The following GPC5 variants were observed in gnomAD, a reference collection of about 807,000 sequenced individuals.
GPC5 encodes the protein glypican 5.
In GPC5, 47 loss-of-function variants were observed where a neutral mutation model predicts 53.9. That is an observed-to-expected ratio of 0.87 (90% CI 0.69 to 1.11). The LOEUF is 1.11. GPC5 is among the 50% of genes most tolerant of loss of function. The probability of loss-of-function intolerance (pLI) is 0.00; values close to 1 mark genes in which losing one functional copy is unlikely to be tolerated. For missense variants in GPC5, 748 were observed against 713.1 expected (o/e 1.05, Z -0.56); for synonymous variants, 286 against 263.3 (o/e 1.09, Z -0.84).
intron 7 of GPC5, among the ~76,000 whole-genome samples, chr13:92,569,461 T>G (rs377215529): frequency 4.6e-5 from 7 of 152,198 alleles, no homozygotes; most frequent in Admixed American, 6.5e-5. Flanking sequence ...ACTAGTTACA[T>G]AGCTGGAACA....
At chr13:91,437,613 T>C (rs577672793) in intron 1 of GPC5, among the ~76,000 whole-genome samples, 6 of 152,352 alleles carry the variant, frequency 3.9e-5, no homozygotes, top group African/African-American at 1.4e-4. Flanking sequence ...ATTTCAACTT[T>C]GGTGAATCTG....
intron 7 of GPC5, among the ~76,000 whole-genome samples, chr13:92,219,263 C>T (rs905557135): frequency 1.3e-5 from 2 of 151,968 alleles, no homozygotes; most frequent in African/African-American, 2.4e-5. Context: ...TGGCATTCAC[C>T]TCCATATTTT....
rs377515371 is a variant in GPC5 at position 92,696,758 on chromosome 13, A to G, written c.1562-169524A>G. On this transcript the variant is annotated intron_variant, in intron 7 of 7. Transcript: ENST00000377067. ...TGCCCTTGCTTTTGGTGTTTTAGTC[A>G]TGAAGTCTTTGCCCATGCCTACATC... 5.9e-5 allele frequency among the ~76,000 whole-genome samples: 9 copies of G among 152,272 alleles called. No homozygotes were observed. The East Asian group carries it at 1.7e-3, about 30-fold the overall frequency.
intron 6 of GPC5, among the ~76,000 whole-genome samples, chr13:92,104,948 A>G (rs753875851): frequency 6.6e-6 from 1 of 152,222 alleles, no homozygotes; most frequent in Non-Finnish European, 1.5e-5. Context: ...GTTGAGAAAT[A>G]GTGTTTTTGT....
At chr13:92,183,968 A>G (rs1353239178) in intron 7 of GPC5, among the ~76,000 whole-genome samples, 1 of 152,040 alleles carries the variant, frequency 6.6e-6, no homozygotes, top group Non-Finnish European at 1.5e-5. Context: ...AATTTAAATT[A>G]TATCATATTT....
intron 7 of GPC5, among the ~76,000 whole-genome samples, chr13:92,336,021 C>A (rs1469130471): frequency 6.6e-6 from 1 of 152,162 alleles, no homozygotes; most frequent in Non-Finnish European, 1.5e-5. Flanking sequence ...GTAGTTCCAG[C>A]TAGCAGTGGG....
At position 91,823,416 on chromosome 13, in the gene GPC5, A is replaced by G. The variant is rs1345846623; in HGVS notation, c.1280+66996A>G. Among the ~76,000 whole-genome samples the G allele has an allele frequency of 5.3e-5, 8 of 152,108 alleles. No individual in the cohort carries two copies. In the East Asian group the frequency reaches 1.5e-3, roughly 29 times the overall value. On this transcript the variant is annotated intron_variant, in intron 5 of 7. Coordinates refer to ENST00000377067, the MANE Select transcript of GPC5 (RefSeq NM_004466.6). ...CCACAGATGTGAAATATGGATCAAC[A>G]GACTCCTCATGACCAATCATAAATT...
intron 7 of GPC5, among the ~76,000 whole-genome samples, chr13:92,759,795 A>T (rs9561142): frequency 6.6e-6 from 1 of 152,044 alleles, no homozygotes; most frequent in Non-Finnish European, 1.5e-5. Flanking sequence ...ATTGTACCAG[A>T]TCTTAGAAGA....
intron 7 of GPC5, among the ~76,000 whole-genome samples, chr13:92,253,135 A>G (rs893381434): frequency 2.0e-5 from 3 of 152,158 alleles, no homozygotes; most frequent in African/African-American, 7.2e-5. Context: ...GAATTTCTCC[A>G]TATAGGATAA....
chr13:92,762,931 C>A (rs900602088), intron 7 of GPC5, among the ~76,000 whole-genome samples: 2 of 151,736 alleles, frequency 1.3e-5, no homozygotes, highest in African/African-American at 2.4e-5. Flanking sequence ...TCAATGAATT[C>A]TTTAGCCCCA....
chr13:91,776,433 A>C (rs1231509407), intron 5 of GPC5, among the ~76,000 whole-genome samples: 1 of 152,232 alleles, frequency 6.6e-6, no homozygotes, highest in Non-Finnish European at 1.5e-5. Context: ...TGTCTAGTTA[A>C]TTAGAGTAGA....
At chr13:92,800,527 T>C (rs1363848969) in intron 7 of GPC5, among the ~76,000 whole-genome samples, 2 of 151,904 alleles carry the variant, frequency 1.3e-5, no homozygotes, top group East Asian at 3.9e-4. Context: ...TGAGTGTTAC[T>C]TTCCACTAAC....
chr13:92,568,606 T>C (rs1446082884), intron 7 of GPC5, among the ~76,000 whole-genome samples: 1 of 152,180 alleles, frequency 6.6e-6, no homozygotes, highest in East Asian at 1.9e-4. Context: ...CCATTTGTTT[T>C]GAATAAATAT....
chr13:92,660,037 G>T (rs751138674), intron 7 of GPC5, among the ~76,000 whole-genome samples: 33 of 152,108 alleles, frequency 2.2e-4, no homozygotes, highest in Non-Finnish European at 3.1e-4. Context: ...AGCCCCCTTT[G>T]TTCCATTGAA....
intron 7 of GPC5, among the ~76,000 whole-genome samples, chr13:92,791,991 C>A (rs1308107860): frequency 6.6e-6 from 1 of 151,838 alleles, no homozygotes; most frequent in Admixed American, 6.6e-5. Flanking sequence ...ATAATTTGTG[C>A]AAGTGTTTGC....
At chr13:92,838,311 C>T (rs565733728) in intron 7 of GPC5, among the ~76,000 whole-genome samples, 3 of 151,594 alleles carry the variant, frequency 2.0e-5, no homozygotes, top group South Asian at 2.1e-4. Context: ...CGTGAAACCC[C>T]GTCTCTACTA....
intron 6 of GPC5, among the ~76,000 whole-genome samples, chr13:91,979,418 GA>G (rs1254165097): frequency 6.6e-6 from 1 of 152,146 alleles, no homozygotes; most frequent in Non-Finnish European, 1.5e-5. Context: ...ATGTCCTGCT[GA>G]TAATGTGTTA....
At chr13:91,514,643 C>A (rs186848078) in intron 2 of GPC5, among the ~76,000 whole-genome samples, 17 of 152,130 alleles carry the variant, frequency 1.1e-4, no homozygotes, top group Admixed American at 9.8e-4. Context: ...TTTTATCACC[C>A]AGTGGAATCC....
intron 7 of GPC5, among the ~76,000 whole-genome samples, chr13:92,693,807 A>G (rs763420002): frequency 2.0e-5 from 3 of 152,234 alleles, no homozygotes; most frequent in South Asian, 2.1e-4. Context: ...ACAAATTTGC[A>G]TAAGTAAATG....
Sources: allele counts gnomAD v4.1 joint callset (sites outside exome capture counted in the v4.1 genomes callset), GRCh38; gene constraint gnomAD v4.1.1; transcripts MANE v1.5; gene names NCBI Gene and HGNC (gene_info 2026-07-23, HGNC 2026-07-21).